The following MMS22L variants were observed in gnomAD, a reference collection of about 807,000 sequenced individuals.
MMS22L encodes MMS22 like, DNA repair protein, also known as protein MMS22-like.
Under a neutral mutation model 159.1 loss-of-function variants are expected in MMS22L, and 74 were observed. That is an observed-to-expected ratio of 0.47 (90% CI 0.39 to 0.56). The LOEUF (loss-of-function observed/expected upper bound fraction) is 0.56. MMS22L is among the 20% of genes least tolerant of loss of function. The pLI is 0.00. For synonymous variants in MMS22L, 517 were observed against 506.9 expected (o/e 1.02, Z -0.27); for missense variants, 1,351 against 1,422.1 (o/e 0.95, Z 0.80).
chr6:97,282,527 C>G lies in MMS22L; in HGVS notation c.-50G>C, dbSNP rs767306936. The G allele has an allele frequency of 1.5e-5, 16 of 1,044,136 alleles. No homozygotes were observed. The highest frequency in any genetic ancestry group is 2.1e-5 in the Non-Finnish European group (16 of 759,976). 64.7% of individuals were successfully genotyped at this position (1,044,136 alleles called of 1,614,324 possible). A position where few individuals can be genotyped will look rare whatever the true frequency, so the allele number is the denominator to read the frequency against. On this transcript the variant is annotated 5_prime_UTR_variant, in exon 2 of 25. Coordinates refer to ENST00000683635, the MANE Select transcript of MMS22L (RefSeq NM_001350599.2). ...TTGGGGTTCGTCGTATCATTAAGGGCTCCAAAGAGAAGGTGTGAAGAGATT... is the reference window on the plus strand; with the variant it reads ...TTGGGGTTCGTCGTATCATTAAGGGGTCCAAAGAGAAGGTGTGAAGAGATT...
In MMS22L at chr6:97,229,407, TA is replaced by T. The variant is rs957494120; in HGVS notation, c.1530-5del. The T allele has an allele frequency of 6.6e-7, 1 of 1,503,762 alleles. No individual in the cohort carries two copies. The highest frequency in any genetic ancestry group is 1.4e-5 in the African/African-American group (1 of 70,934). 93.2% of individuals were successfully genotyped at this position (1,503,762 alleles called of 1,614,324 possible). A position where few individuals can be genotyped will look rare whatever the true frequency, so the allele number is the denominator to read the frequency against. ...TTGATGGAATTTTGAATATATTCTG[TA>T]AAACATTAAAAAATGCTTTAATAAA... On this transcript the variant is annotated splice_region_variant and splice_polypyrimidine_tract_variant and intron_variant, in intron 13 of 24. Coordinates refer to ENST00000683635, the MANE Select transcript of MMS22L (RefSeq NM_001350599.2).
chr6:97,175,643 T>C (rs1050277417), intron 18 of MMS22L, among the ~76,000 whole-genome samples: 7 of 152,144 alleles, frequency 4.6e-5, no homozygotes, highest in Non-Finnish European at 1.0e-4. Flanking sequence ...TTCCCAATGT[T>C]GACACACTTC....
At chr6:97,282,213 C>T (rs1816813346) in intron 2 of MMS22L, 101 bp downstream of exon 2, 2 of 1,205,944 alleles carry the variant, frequency 1.7e-6, no homozygotes, top group East Asian at 4.9e-5. Flanking sequence ...TTATAAAACA[C>T]GACTTGGTGA....
At chr6:97,263,151 T>G (rs1814678499) in intron 9 of MMS22L, among the ~76,000 whole-genome samples, 184 bp downstream of exon 9, 1 of 152,146 alleles carries the variant, frequency 6.6e-6, no homozygotes. Flanking sequence ...TATTACTAAC[T>G]TGGGGCTAAA....
intron 8 of MMS22L, chr6:97,266,129 A>C (rs1254187843): frequency 6.6e-6 from 1 of 152,190 alleles, no homozygotes; most frequent in Non-Finnish European, 1.5e-5. Flanking sequence ...TATCACCTCA[A>C]ACCTGTTATA....
At chr6:97,165,118 C>G in intron 21 of MMS22L, 128 bp downstream of exon 21, 1 of 718,202 alleles carries the variant, frequency 1.4e-6, no homozygotes, top group East Asian at 2.7e-5. Flanking sequence ...TAATGCTTCT[C>G]AGGAAAACAA....
chr6:97,155,683 T>C (rs1180875773), intron 22 of MMS22L, among the ~76,000 whole-genome samples: 2 of 152,238 alleles, frequency 1.3e-5, no homozygotes, highest in Non-Finnish European at 2.9e-5. Flanking sequence ...ATGGTGTATA[T>C]ATGTCACATT....
chr6:97,208,641 A>G lies in MMS22L; in HGVS notation c.2039+20253T>C, dbSNP rs553214878. 2.6e-5 allele frequency among the ~76,000 whole-genome samples: 4 copies of G among 152,174 alleles called. No individual in the cohort carries two copies. In the South Asian group the frequency reaches 8.3e-4, roughly 31 times the overall value. ...AAAGAAATCAAGGAGCATTTCAAGC[A>G]GACGGATTAAGGGAAAGAAACAGGT... On this transcript the variant is annotated intron_variant, in intron 14 of 24. Coordinates refer to ENST00000683635, the MANE Select transcript of MMS22L (RefSeq NM_001350599.2).
At chr6:97,231,264 G>A in intron 13 of MMS22L, 162 bp downstream of exon 13, 2 of 598,968 alleles carry the variant, frequency 3.3e-6, no homozygotes, top group South Asian at 4.4e-5. Flanking sequence ...ACAACTTGAA[G>A]ATGTTTGTTT....
chr6:97,167,430 C>T (rs1358969910), intron 20 of MMS22L, among the ~76,000 whole-genome samples: 1 of 152,114 alleles, frequency 6.6e-6, no homozygotes, highest in Non-Finnish European at 1.5e-5. Context: ...TGGATTATTA[C>T]AAGGAACTAG....
chr6:97,278,002 T>G (rs995197397), intron 4 of MMS22L, among the ~76,000 whole-genome samples: 1 of 152,186 alleles, frequency 6.6e-6, no homozygotes. Context: ...TAGCTAGGGT[T>G]GGAAGCCAGG....
chr6:97,171,585 C>G (rs1803552261), intron 19 of MMS22L, among the ~76,000 whole-genome samples: 2 of 152,192 alleles, frequency 1.3e-5, no homozygotes, highest in South Asian at 4.1e-4. Flanking sequence ...CATGCCTTTT[C>G]AGAAATAACT....
chr6:97,261,969 T>C (rs1814526730), intron 9 of MMS22L: 1 of 152,150 alleles, frequency 6.6e-6, no homozygotes, highest in Non-Finnish European at 1.5e-5. Context: ...TAAACCCACA[T>C]AAGGGCTAGA....
rs1026480975 is a variant in MMS22L, at chr6:97,146,321, C to A, written c.*485G>T. 6.6e-6 allele frequency: 1 copy of A among 152,276 alleles called. No individual in the cohort carries two copies. The highest frequency in any genetic ancestry group is 1.5e-5 in the Non-Finnish European group (1 of 68,170). The allele number at this position is 152,276 out of a possible 1,614,324, so 9.4% of individuals were successfully genotyped here. A position where few individuals can be genotyped will look rare whatever the true frequency, so the allele number is the denominator to read the frequency against. ...CACATATAAAAAAGAAAAACAAATA[C>A]ACAGTCACATTTCCCAACACCTTTC... is the stretch of plus-strand genomic sequence containing the variant. On this transcript the variant is annotated 3_prime_UTR_variant, in exon 25 of 25. Coordinates refer to ENST00000683635, the MANE Select transcript of MMS22L (RefSeq NM_001350599.2).
chr6:97,240,458 C>T (rs1369904154), intron 11 of MMS22L, among the ~76,000 whole-genome samples: 1 of 152,254 alleles, frequency 6.6e-6, no homozygotes, highest in South Asian at 2.1e-4. Flanking sequence ...AACTCTGGGC[C>T]ATGCAAACCA....
At chr6:97,217,879 T>A (rs1170333626) in intron 14 of MMS22L, among the ~76,000 whole-genome samples, 2 of 152,168 alleles carry the variant, frequency 1.3e-5, no homozygotes, top group East Asian at 3.9e-4. Context: ...TTTTATTGAT[T>A]ATTTCCTTCA....
intron 20 of MMS22L, 66 bp from the exon 21 acceptor site, chr6:97,165,523 C>G: frequency 7.5e-7 from 1 of 1,332,454 alleles, no homozygotes; most frequent in Non-Finnish European, 1.0e-6. Context: ...TATTTAGAAA[C>G]TCACTAATGA....
intron 14 of MMS22L, among the ~76,000 whole-genome samples, chr6:97,224,710 C>T (rs1298629382): frequency 1.3e-5 from 2 of 151,266 alleles, no homozygotes; most frequent in Non-Finnish European, 2.9e-5. Flanking sequence ...AATAAGTTTG[C>T]AGATTTCATT....
intron 24 of MMS22L, 53 bp downstream of exon 24, chr6:97,149,800 T>A: frequency 6.9e-7 from 1 of 1,451,000 alleles, no homozygotes; most frequent in Non-Finnish European, 9.2e-7. Flanking sequence ...TAAAATGAAA[T>A]ATAAATTTTA....
Sources: allele counts gnomAD v4.1 joint callset (sites outside exome capture counted in the v4.1 genomes callset), GRCh38; gene constraint gnomAD v4.1.1; transcripts MANE v1.5; gene names NCBI Gene and HGNC (gene_info 2026-07-23, HGNC 2026-07-21).